The following CPAMD8 variants were observed in gnomAD, a reference collection of about 807,000 sequenced individuals.
The protein encoded by CPAMD8 is C3 and PZP like alpha-2-macroglobulin domain containing 8.
A neutral mutation model predicts 224.7 loss-of-function variants in CPAMD8; 146 were observed. That is an observed-to-expected ratio of 0.65 (90% CI 0.57 to 0.75). CPAMD8 has a LOEUF of 0.75. Ranked by LOEUF, CPAMD8 falls within the 30% of genes least tolerant of loss-of-function variation. The probability of loss-of-function intolerance (pLI) is 0.00; values close to 1 mark genes in which losing one functional copy is unlikely to be tolerated. For missense variants in CPAMD8, 2,301 were observed against 2,537.5 expected (o/e 0.91, Z 2.00); for synonymous variants, 966 against 1,044.6 (o/e 0.92, Z 1.45).
chr19:17,026,721 C>G lies in CPAMD8; in HGVS notation c.-79G>C. 2.5e-6 allele frequency: 3 copies of G among 1,223,188 alleles called. No individual in the cohort carries two copies. The highest frequency in any genetic ancestry group is 3.1e-6 in the Non-Finnish European group (3 of 982,792). The allele number at this position is 1,223,188 out of a possible 1,614,324, so 75.8% of individuals were successfully genotyped here. On this transcript the variant is annotated 5_prime_UTR_variant, in exon 1 of 42. Transcript: ENST00000443236. ...GCCAGGGCCAGGGTCCGAGCGCGGCCGTCCTCGCGCCGCCGCCGGGGGCCC... is the reference window on the plus strand; with the variant it reads ...GCCAGGGCCAGGGTCCGAGCGCGGCGGTCCTCGCGCCGCCGCCGGGGGCCC...
rs563794784 is a variant in CPAMD8 at position 17,004,982 on chromosome 19, G to A, written c.560-596C>T. ...AGACAGACAGAGAGAGAGAGAGAGAGAAACAGACAAGACAGACAGGGTCTC... is the reference window on the plus strand; with the variant it reads ...AGACAGACAGAGAGAGAGAGAGAGAAAAACAGACAAGACAGACAGGGTCTC... On this transcript the variant is annotated intron_variant, in intron 7 of 41. Transcript: ENST00000443236. Among the ~76,000 whole-genome samples the A allele has an allele frequency of 1.1e-4, 16 of 149,158 alleles. No individual in the cohort carries two copies. The South Asian group carries it at 3.0e-3, about 28-fold the overall frequency.
At chr19:16,992,520 T>C (rs1180258702) in intron 12 of CPAMD8, among the ~76,000 whole-genome samples, 4 of 152,118 alleles carry the variant, frequency 2.6e-5, no homozygotes, top group African/African-American at 9.6e-5. Flanking sequence ...GGCGCAATCT[T>C]GGCTCGCTGC....
Position 16,893,326 on chromosome 19 carries a change from G to A in CPAMD8, c.5440C>T (p.Pro1814Ser), listed in dbSNP as rs2051833424. The A allele has an allele frequency of 6.5e-7, 1 of 1,534,440 alleles. No homozygotes were observed. The highest frequency in any genetic ancestry group is 2.4e-5 in the East Asian group (1 of 40,912). ...GEAEDRVTAG[P>S]RPPVSSGNLE... ...TTCCCGCTGCTCACAGGAGGCCGAG[G>A]CCCGGCTGTGACCCTGGAGATGAGG... Residue 1814 changes from proline to serine, a missense_variant, in exon 42 of 42, where the codon CCT becomes TCT. Physicochemically the swap from Pro to Ser is moderately conservative, Grantham distance 74. This residue lies in a region of CPAMD8 where 1,709 missense variants were observed against 1,753.2 expected (regional missense o/e 0.97). Coordinates refer to ENST00000443236, the MANE Select transcript of CPAMD8 (RefSeq NM_015692.5).
At chr19:17,008,703 C>A (rs1568596069) in intron 6 of CPAMD8, 144 bp from the exon 7 acceptor site, 78 of 884,070 alleles carry the variant, frequency 8.8e-5, no homozygotes, top group Middle Eastern at 4.5e-4. Flanking sequence ...AACCCCGGGG[C>A]AAAAAAAAAG....
Position 16,902,708 on chromosome 19 carries a change from A to T in CPAMD8, c.4626T>A (p.Asp1542Glu), listed in dbSNP as rs2052310254. 6.2e-7 allele frequency: 1 copy of T among 1,606,364 alleles called. No homozygotes were observed. Among genetic ancestry groups the T allele is most frequent in the South Asian group, 1.1e-5 (1 of 90,640 alleles). ...GGTGATGCTGATCGGCCGCTGGGTCATCATCGTCAGCTGGGGGCCAGTCTC... is the reference window on the plus strand; with the variant it reads ...GGTGATGCTGATCGGCCGCTGGGTCTTCATCGTCAGCTGGGGGCCAGTCTC... The part of the protein sequence containing the change: ...SRGDWPPADD[D>E]DPAADQHHQE... Residue 1542 changes from aspartate (D) to glutamate (E), a missense_variant, in exon 35 of 42, where the codon GAT becomes GAA. Coordinates refer to ENST00000443236, the MANE Select transcript of CPAMD8 (RefSeq NM_015692.5).
At position 16,976,045 on chromosome 19, in the gene CPAMD8, C is replaced by T. The variant is rs2055254624; in HGVS notation, c.1865G>A (p.Ser622Asn). 3 of 1,610,376 alleles carry T rather than the reference C, an allele frequency of 1.9e-6. No individual in the cohort carries two copies. In the South Asian group the frequency reaches 3.3e-5, roughly 18 times the overall value. ...SCVCVAAVDK[S>N]VYLLRSGFRL... is the part of the protein sequence containing the mutation. Reference sequence around the variant, plus strand: ...GAACCCAGACCTGAGCAGGTAGACACTCTTATCAACTGCGGCGACGCACAC... The same window carrying T: ...GAACCCAGACCTGAGCAGGTAGACATTCTTATCAACTGCGGCGACGCACAC... Residue 622 changes from serine (S) to asparagine (N), a missense_variant, in exon 16 of 42, where the codon AGT (serine) becomes AAT (asparagine). Physicochemically the swap from Ser to Asn is conservative, Grantham distance 46. Coordinates refer to ENST00000443236, the MANE Select transcript of CPAMD8 (RefSeq NM_015692.5).
chr19:16,911,417 A>T (rs1439646325), intron 29 of CPAMD8, among the ~76,000 whole-genome samples: 1 of 151,042 alleles, frequency 6.6e-6, no homozygotes, highest in African/African-American at 2.4e-5. Flanking sequence ...GCTGGAGTGC[A>T]GTGGCACGAG....
At chr19:16,996,838 A>G (rs927634322) in intron 11 of CPAMD8, among the ~76,000 whole-genome samples, 271 of 135,040 alleles carry the variant, frequency 2.0e-3, no homozygotes, top group African/African-American at 7.0e-3. Context: ...AAAAAAAAAA[A>G]GAACCCATTG....
At chr19:16,971,294 A>G (rs565064882) in intron 17 of CPAMD8, among the ~76,000 whole-genome samples, 2 of 152,238 alleles carry the variant, frequency 1.3e-5, no homozygotes, top group African/African-American at 4.8e-5. Context: ...TCCACCTCCC[A>G]GGTTCACGCC....
chr19:16,954,866 T>C (rs1423344309), intron 19 of CPAMD8, among the ~76,000 whole-genome samples: 1 of 150,376 alleles, frequency 6.6e-6, no homozygotes. Context: ...CGGTGGCTCA[T>C]GCCTGCAATC....
intron 5 of CPAMD8, among the ~76,000 whole-genome samples, chr19:17,010,162 A>G (rs2056607521): frequency 6.6e-6 from 1 of 152,194 alleles, no homozygotes; most frequent in Admixed American, 6.5e-5. Context: ...TTACTATTGG[A>G]ACAACATGGA....
intron 10 of CPAMD8, among the ~76,000 whole-genome samples, chr19:16,998,478 A>T (rs2056205540): frequency 6.6e-6 from 1 of 152,150 alleles, no homozygotes. Flanking sequence ...AATTAATTAA[A>T]TTAAATTAAA....
At chr19:16,927,341 G>A (rs2053399945) in intron 25 of CPAMD8, among the ~76,000 whole-genome samples, 1 of 151,734 alleles carries the variant, frequency 6.6e-6, no homozygotes, top group Non-Finnish European at 1.5e-5. Context: ...ATTCTCCCTG[G>A]GACCATGTAA....
At chr19:16,948,559 C>T (rs1425241238) in intron 20 of CPAMD8, among the ~76,000 whole-genome samples, 1 of 151,852 alleles carries the variant, frequency 6.6e-6, no homozygotes, top group Non-Finnish European at 1.5e-5. Context: ...CCAGCTTGGC[C>T]AACATGAGGA....
At chr19:16,911,511 G>A (rs892133450) in intron 29 of CPAMD8, among the ~76,000 whole-genome samples, 9 of 151,518 alleles carry the variant, frequency 5.9e-5, no homozygotes, top group East Asian at 1.9e-4. Context: ...TCAGGCATGC[G>A]CCACCACACA....
At chr19:17,012,350 C>CT (rs984597501) in intron 3 of CPAMD8, among the ~76,000 whole-genome samples, 7,028 of 74,262 alleles carry the variant, frequency 0.095, 646 homozygotes, top group African/African-American at 0.22. Context: ...TTCTTTCTTT[C>CT]TTTTTTTTTT....
intron 18 of CPAMD8, among the ~76,000 whole-genome samples, chr19:16,967,612 CT>C (rs2054872836): frequency 6.6e-6 from 1 of 151,914 alleles, no homozygotes; most frequent in African/African-American, 2.4e-5. Context: ...GGAGACCATC[CT>C]GGCTAACATG....
At chr19:17,022,567 C>T (rs528065101) in intron 1 of CPAMD8, among the ~76,000 whole-genome samples, 5 of 151,274 alleles carry the variant, frequency 3.3e-5, no homozygotes, top group African/African-American at 7.3e-5. Flanking sequence ...GGCATGATCT[C>T]GGCTCACTAC....
intron 14 of CPAMD8, among the ~76,000 whole-genome samples, chr19:16,978,816 C>A (rs2055376763): frequency 6.6e-6 from 1 of 151,500 alleles, no homozygotes; most frequent in African/African-American, 2.4e-5. Context: ...CATCCACCAT[C>A]TACCCATCCA....
Sources: allele counts gnomAD v4.1 joint callset (sites outside exome capture counted in the v4.1 genomes callset), GRCh38; gene constraint gnomAD v4.1.1; regional missense constraint gnomAD v4.1.1; transcripts MANE v1.5; gene names NCBI Gene and HGNC (gene_info 2026-07-23, HGNC 2026-07-21).